The following OLA1 variants were observed in gnomAD, a reference collection of about 807,000 sequenced individuals.
OLA1 encodes the protein obg-like ATPase 1.
OLA1 carries 14 observed loss-of-function variants against 48.4 expected under a neutral mutation model. The observed-to-expected ratio is 0.29, with a 90% CI of 0.19 to 0.45. The LOEUF (loss-of-function observed/expected upper bound fraction) is 0.45. OLA1 is among the 20% of genes least tolerant of loss of function. The pLI, the probability that OLA1 is intolerant of heterozygous loss-of-function variation, is 1.00. For missense variants in OLA1, 325 were observed against 467.1 expected (o/e 0.70, Z 2.80); for synonymous variants, 127 against 150.4 (o/e 0.84, Z 1.14).
intron 7 of OLA1, among the ~76,000 whole-genome samples, chr2:174,085,497 C>A (rs1248913151): frequency 6.6e-6 from 1 of 152,228 alleles, no homozygotes; most frequent in African/African-American, 2.4e-5. Context: ...ACCACACCCC[C>A]ATCACCCACC....
At chr2:174,202,942 T>TG (rs1463063677) in intron 4 of OLA1, among the ~76,000 whole-genome samples, 5 of 152,092 alleles carry the variant, frequency 3.3e-5, no homozygotes, top group African/African-American at 1.2e-4. Flanking sequence ...TTCAACTGAG[T>TG]GGGAGGTCAG....
chr2:174,140,347 C>T (rs1396324989), intron 5 of OLA1, among the ~76,000 whole-genome samples: 2 of 151,370 alleles, frequency 1.3e-5, no homozygotes, highest in Admixed American at 1.3e-4. Context: ...ATATAGTTAT[C>T]CCTTTTCTTT....
Position 174,246,763 on chromosome 2 carries a change from C to T in OLA1, c.53G>A (p.Arg18Lys). ...DGIKPPPIIG[R>K]FGTSLKIGIV... is the part of the protein sequence containing the mutation. ...ACCAATTTTCAGTGAGGTTCCAAAT[C>T]TTCCAATGATTGGGGGTGGTTTAAT... Residue 18 changes from arginine (R) to lysine (K), a missense_variant, in exon 2 of 11, where the codon AGA (arginine) becomes AAA (lysine). By Grantham distance (26) the Arg-to-Lys change is conservative. Coordinates refer to ENST00000284719, the MANE Select transcript of OLA1 (RefSeq NM_013341.5). 6.2e-7 allele frequency: 1 copy of T among 1,613,238 alleles called. No homozygotes were observed. The highest frequency in any genetic ancestry group is 8.5e-7 in the Non-Finnish European group (1 of 1,179,460).
intron 9 of OLA1, 150 bp from the exon 10 acceptor site, chr2:174,079,240 A>G: frequency 1.8e-6 from 1 of 556,872 alleles, no homozygotes; most frequent in Non-Finnish European, 3.1e-6. Flanking sequence ...TACATTTTCA[A>G]CACTGGGTAG....
chr2:174,191,926 T>C (rs771311902), intron 4 of OLA1, among the ~76,000 whole-genome samples: 2 of 152,330 alleles, frequency 1.3e-5, no homozygotes, highest in Middle Eastern at 3.4e-3. Context: ...CAAATGAAAC[T>C]AGCCGGCAGC....
chr2:174,083,034 A>G (rs1167411304), intron 7 of OLA1, among the ~76,000 whole-genome samples: 1 of 152,142 alleles, frequency 6.6e-6, no homozygotes, highest in Admixed American at 6.5e-5. Context: ...GTAAAGAATT[A>G]ACAGCAGTTA....
chr2:174,176,863 T>C (rs1687433198), intron 4 of OLA1, among the ~76,000 whole-genome samples: 1 of 152,194 alleles, frequency 6.6e-6, no homozygotes, highest in Admixed American at 6.5e-5. Flanking sequence ...TTTCAAAAGA[T>C]TCCCTCAATA....
intron 7 of OLA1, among the ~76,000 whole-genome samples, chr2:174,104,032 T>C (rs1225841059): frequency 6.6e-6 from 1 of 152,068 alleles, no homozygotes; most frequent in Non-Finnish European, 1.5e-5. Flanking sequence ...AATTTATACA[T>C]TGTGAAGAGC....
intron 7 of OLA1, among the ~76,000 whole-genome samples, chr2:174,091,503 G>C (rs2105346262): frequency 6.6e-6 from 1 of 152,268 alleles, no homozygotes; most frequent in South Asian, 2.1e-4. Context: ...TAACTTTATG[G>C]CATATGCCAG....
intron 4 of OLA1, among the ~76,000 whole-genome samples, chr2:174,155,569 G>T (rs1210315681): frequency 6.6e-6 from 1 of 152,176 alleles, no homozygotes; most frequent in East Asian, 1.9e-4. Context: ...TCCCTGAATT[G>T]CTTAACTATT....
chr2:174,174,547 A>T (rs1687380567), intron 4 of OLA1, among the ~76,000 whole-genome samples: 1 of 152,070 alleles, frequency 6.6e-6, no homozygotes, highest in African/African-American at 2.4e-5. Flanking sequence ...GCTTCTAAAA[A>T]TAACCTATAA....
intron 4 of OLA1, chr2:174,171,819 C>CGGGA (rs1216185487): frequency 2.0e-5 from 3 of 152,576 alleles, no homozygotes; most frequent in Non-Finnish European, 4.4e-5. Flanking sequence ...GGGCCTCACA[C>CGGGA]GGGAGGAGCC....
chr2:174,131,807 A>G (rs1686188589), intron 5 of OLA1, among the ~76,000 whole-genome samples: 1 of 152,058 alleles, frequency 6.6e-6, no homozygotes, highest in South Asian at 2.1e-4. Context: ...GATGCTGCAA[A>G]TATCTTCTTT....
chr2:174,167,246 A>G (rs1295833453), intron 4 of OLA1, among the ~76,000 whole-genome samples: 2 of 152,242 alleles, frequency 1.3e-5, no homozygotes, highest in Non-Finnish European at 2.9e-5. Context: ...CATGAGAGAT[A>G]GGACTCTGGC....
At chr2:174,222,583 CTA>C (rs1218279422) in intron 4 of OLA1, among the ~76,000 whole-genome samples, 2 of 152,254 alleles carry the variant, frequency 1.3e-5, no homozygotes, top group Admixed American at 6.5e-5. Context: ...ACTAGCTGAT[CTA>C]TAGTTTCTCT....
chr2:174,102,550 CCATT>C (rs1685422027), intron 7 of OLA1, among the ~76,000 whole-genome samples: 1 of 151,878 alleles, frequency 6.6e-6, no homozygotes, highest in Non-Finnish European at 1.5e-5. Context: ...TGCTCTTTCT[CCATT>C]CAAGACCCCC....
chr2:174,198,156 C>T (rs1687919485), intron 4 of OLA1, among the ~76,000 whole-genome samples: 1 of 151,940 alleles, frequency 6.6e-6, no homozygotes. Flanking sequence ...AGAGACGGGG[C>T]TTCACCATGT....
chr2:174,193,218 T>C (rs914567894), intron 4 of OLA1, among the ~76,000 whole-genome samples: 2 of 151,794 alleles, frequency 1.3e-5, no homozygotes, highest in African/African-American at 4.8e-5. Flanking sequence ...GCTTCCCGAG[T>C]AGCTGGGATT....
intron 4 of OLA1, among the ~76,000 whole-genome samples, chr2:174,175,843 T>A (rs551376769): frequency 6.6e-6 from 1 of 152,110 alleles, no homozygotes; most frequent in Non-Finnish European, 1.5e-5. Flanking sequence ...AGTGATAATA[T>A]TAAAGGCTAC....
Sources: gnomAD v4.1 joint callset for allele counts (sites outside exome capture counted in the v4.1 genomes callset) on GRCh38, gnomAD v4.1.1 for gene constraint, MANE v1.5 for transcripts, NCBI Gene and HGNC (gene_info 2026-07-23, HGNC 2026-07-21) for gene names.